TENM2: variants seen among roughly 807,000 people sequenced by gnomAD.
TENM2 encodes teneurin transmembrane protein 2, also known as teneurin-2.
Under a neutral mutation model 245.2 loss-of-function variants are expected in TENM2, and 52 were observed. That is an observed-to-expected ratio of 0.21 (90% CI 0.17 to 0.27). The LOEUF is 0.27. TENM2 is among the 10% of genes least tolerant of loss of function. The pLI, the probability that TENM2 is intolerant of heterozygous loss-of-function variation, is 1.00. For missense variants in TENM2, 3,046 were observed against 3,666.8 expected (o/e 0.83, Z 4.37); for synonymous variants, 1,363 against 1,438.9 (o/e 0.95, Z 1.19).
At chr5:167,681,177 T>G (rs2150376007) in intron 2 of TENM2, among the ~76,000 whole-genome samples, 1 of 152,344 alleles carries the variant, frequency 6.6e-6, no homozygotes, top group Non-Finnish European at 1.5e-5. Flanking sequence ...ATTTTCAATA[T>G]TATTGTTTCA....
the TENM2 span, among the ~76,000 whole-genome samples, chr5:166,979,220 A>AGCAGCAGCAGCC: frequency 2.6e-5 from 4 of 150,970 alleles, no homozygotes; most frequent in Non-Finnish European, 5.9e-5. Context: ...CAGCAGCAGC[A>AGCAGCAGCAGCC]GCAGCAGCAG....
intron 2 of TENM2, among the ~76,000 whole-genome samples, chr5:167,480,107 C>T (rs1325306483): frequency 6.6e-6 from 1 of 152,180 alleles, no homozygotes; most frequent in African/African-American, 2.4e-5. Context: ...CCCTGCTTTG[C>T]ATATTTGAAT....
intron 2 of TENM2, among the ~76,000 whole-genome samples, chr5:167,481,428 T>C (rs1561991413): frequency 6.6e-6 from 1 of 152,256 alleles, no homozygotes; most frequent in Non-Finnish European, 1.5e-5. Flanking sequence ...ATGTAAATTT[T>C]AGTGTTCCAT....
At chr5:166,994,148 A>G in the TENM2 span, among the ~76,000 whole-genome samples, 3 of 152,196 alleles carry the variant, frequency 2.0e-5, no homozygotes, top group Non-Finnish European at 2.9e-5. Context: ...ATCTACATTT[A>G]TCACTCGCTT....
rs371543666 is a variant in TENM2 at position 167,299,220 on chromosome 5, GC to G, written c.226+14158del. Among the ~76,000 whole-genome samples, 28 of 152,266 alleles carry G rather than the reference GC, an allele frequency of 1.8e-4. No homozygotes were observed. The East Asian group carries it at 5.0e-3, about 27-fold the overall frequency. ...CCGAATACCAAGAGCCTGAAAAACT[GC>G]TTGGCTGATTTGACTAATAAAGGCT... On this transcript the variant is annotated intron_variant, in intron 1 of 28. Coordinates refer to ENST00000518659, the Ensembl canonical transcript of TENM2.
chr5:167,601,410 G>A (rs1174925531), intron 2 of TENM2, among the ~76,000 whole-genome samples: 1 of 152,176 alleles, frequency 6.6e-6, no homozygotes, highest in African/African-American at 2.4e-5. Flanking sequence ...TTACCATATG[G>A]GACAATGCTG....
chr5:167,724,006 C>T (rs1025632146), intron 2 of TENM2, among the ~76,000 whole-genome samples: 1 of 152,182 alleles, frequency 6.6e-6, no homozygotes, highest in Admixed American at 6.5e-5. Flanking sequence ...ACTTTCTGTG[C>T]AGCTGACAGT....
At chr5:167,699,102 C>A (rs1049573690) in intron 2 of TENM2, among the ~76,000 whole-genome samples, 2 of 152,096 alleles carry the variant, frequency 1.3e-5, no homozygotes, top group Non-Finnish European at 2.9e-5. Flanking sequence ...CATAAGACAG[C>A]CATATCTTTT....
At chr5:167,075,272 T>C in the TENM2 span, among the ~76,000 whole-genome samples, 1 of 152,162 alleles carries the variant, frequency 6.6e-6, no homozygotes, top group Non-Finnish European at 1.5e-5. Context: ...GAAGCCTTTG[T>C]TGAGGCTTCC....
chr5:168,009,096 C>A (rs1030978178), intron 5 of TENM2, among the ~76,000 whole-genome samples: 7 of 152,112 alleles, frequency 4.6e-5, no homozygotes, highest in Admixed American at 4.6e-4. Context: ...GCAAATTCTG[C>A]GAACCAAGAA....
intron 1 of TENM2, among the ~76,000 whole-genome samples, chr5:167,362,249 C>G (rs1483010435): frequency 6.6e-6 from 1 of 152,152 alleles, no homozygotes; most frequent in Admixed American, 6.5e-5. Context: ...TATGGTCTTG[C>G]CATTTTTTAT....
the TENM2 span, among the ~76,000 whole-genome samples, chr5:167,216,980 C>T: frequency 3.3e-5 from 5 of 151,628 alleles, no homozygotes; most frequent in African/African-American, 9.7e-5. Context: ...TGTGATTTCA[C>T]CAGTAACAGA....
chr5:167,438,473 G>C (rs1764695172), intron 2 of TENM2, among the ~76,000 whole-genome samples: 2 of 152,148 alleles, frequency 1.3e-5, no homozygotes, highest in African/African-American at 2.4e-5. Flanking sequence ...CTCACTGCAA[G>C]CTCTGCCTCC....
At chr5:167,278,176 C>T in the TENM2 span, among the ~76,000 whole-genome samples, 20 of 151,944 alleles carry the variant, frequency 1.3e-4, no homozygotes, top group Non-Finnish European at 7.4e-5. Context: ...TGGTGGCACA[C>T]GCTTGTAGTC....
chr5:168,178,219 G>C (rs1433137767), intron 13 of TENM2, among the ~76,000 whole-genome samples: 1 of 152,204 alleles, frequency 6.6e-6, no homozygotes, highest in Non-Finnish European at 1.5e-5. Context: ...GCAGGTCACT[G>C]TCTGGCACCA....
chr5:167,280,657 A>G (rs1407125648), upstream of TENM2, among the ~76,000 whole-genome samples: 1 of 151,960 alleles, frequency 6.6e-6, no homozygotes, highest in Admixed American at 6.6e-5. Context: ...TCCTTTGGCT[A>G]TATAGGAGGC....
At chr5:167,357,802 C>CAT (rs1247218848) in intron 1 of TENM2, among the ~76,000 whole-genome samples, 2 of 152,084 alleles carry the variant, frequency 1.3e-5, no homozygotes, top group Non-Finnish European at 2.9e-5. Flanking sequence ...CTGGTCTATG[C>CAT]ATTCTCTCAC....
the TENM2 span, among the ~76,000 whole-genome samples, chr5:167,061,485 C>T: frequency 1.3e-5 from 2 of 152,122 alleles, no homozygotes; most frequent in East Asian, 1.9e-4. Flanking sequence ...AAAGCATTTT[C>T]GGTGAATTCT....
chr5:167,938,271 T>A (rs1240064110), intron 3 of TENM2, among the ~76,000 whole-genome samples: 6 of 152,154 alleles, frequency 3.9e-5, no homozygotes, highest in Non-Finnish European at 5.9e-5. Flanking sequence ...GAGATGTGCA[T>A]ATGTGTAGAC....
Sources: gnomAD v4.1 joint callset for allele counts (sites outside exome capture counted in the v4.1 genomes callset) on GRCh38, gnomAD v4.1.1 for gene constraint, MANE v1.5 for transcripts, NCBI Gene and HGNC (gene_info 2026-07-23, HGNC 2026-07-21) for gene names.